The following MPPED1 variants were observed in gnomAD, a reference collection of about 807,000 sequenced individuals.
The protein encoded by MPPED1 is metallophosphoesterase domain-containing protein 1.
In MPPED1, 16 loss-of-function variants were observed where a neutral mutation model predicts 36.2. The observed-to-expected ratio is 0.44, with a 90% CI of 0.30 to 0.67. The LOEUF is 0.67. Ranked by LOEUF, MPPED1 falls within the 30% of genes least tolerant of loss-of-function variation. The probability of loss-of-function intolerance (pLI) is 0.10; values close to 1 mark genes in which losing one functional copy is unlikely to be tolerated. For missense variants in MPPED1, 307 were observed against 453.4 expected (o/e 0.68, Z 2.93); for synonymous variants, 199 against 191.3 (o/e 1.04, Z -0.33).
chr22:43,477,276 C>A (rs187955237), intron 4 of MPPED1, among the ~76,000 whole-genome samples: 1 of 152,372 alleles, frequency 6.6e-6, no homozygotes, highest in African/African-American at 2.4e-5. Context: ...CTCTCCATCC[C>A]GCAAGGGAGG....
chr22:43,418,072 C>T (rs898576124), intron 1 of MPPED1: 2 of 456,148 alleles, frequency 4.4e-6, no homozygotes, highest in Non-Finnish European at 8.8e-6. Context: ...TGCTAGCCCC[C>T]CAGTGATTGT....
intron 2 of MPPED1, among the ~76,000 whole-genome samples, chr22:43,432,480 G>GA (rs1929742946): frequency 8.2e-6 from 1 of 121,796 alleles, no homozygotes; most frequent in African/African-American, 3.1e-5. Context: ...AGAGAGAAAG[G>GA]GAGGAGAGAA....
At chr22:43,428,803 G>A (rs763800003) in intron 2 of MPPED1, among the ~76,000 whole-genome samples, 1 of 151,884 alleles carries the variant, frequency 6.6e-6, no homozygotes, top group African/African-American at 2.4e-5. Context: ...AAGACTCCTT[G>A]CCCCGGTGAC....
Position 43,505,441 on chromosome 22 carries a change from C to A in MPPED1, c.863-57C>A. 4 of 1,500,506 alleles carry A rather than the reference C, an allele frequency of 2.7e-6. No individual in the cohort carries two copies. In the South Asian group the frequency reaches 4.9e-5, roughly 19 times the overall value. The allele number at this position is 1,500,506 out of a possible 1,614,324, so 92.9% of individuals were successfully genotyped here. ...GAGTGCCCTATGACTGCCACACCCC[C>A]CTGGCCACCCTCACTACTCTGGCTG... On this transcript the variant is annotated intron_variant, in intron 6 of 6. Coordinates refer to ENST00000443721, the MANE Select transcript of MPPED1 (RefSeq NM_001044370.2).
chr22:43,486,013 G>C (rs897846855), intron 4 of MPPED1, among the ~76,000 whole-genome samples: 4 of 152,196 alleles, frequency 2.6e-5, no homozygotes, highest in East Asian at 3.9e-4. Context: ...TGGGCCCACC[G>C]GGCTAGGAGA....
At chr22:43,463,827 C>T (rs558420180) in intron 3 of MPPED1, among the ~76,000 whole-genome samples, 5,946 of 89,122 alleles carry the variant, frequency 0.067, 286 homozygotes, top group East Asian at 0.15. Context: ...TTCTTTCTTT[C>T]TTTCTTTCTT....
intron 3 of MPPED1, among the ~76,000 whole-genome samples, chr22:43,436,254 C>T (rs984371034): frequency 6.6e-6 from 1 of 152,234 alleles, no homozygotes; most frequent in Non-Finnish European, 1.5e-5. Flanking sequence ...AGCACCCAGG[C>T]CTGCTGCCGT....
At chr22:43,484,230 C>T (rs748131397) in intron 4 of MPPED1, among the ~76,000 whole-genome samples, 7 of 152,222 alleles carry the variant, frequency 4.6e-5, no homozygotes, top group Admixed American at 2.6e-4. Flanking sequence ...CGCATTCGGC[C>T]GACTGCCCCG....
At chr22:43,457,444 TA>T (rs1161896292) in intron 3 of MPPED1, among the ~76,000 whole-genome samples, 2 of 152,194 alleles carry the variant, frequency 1.3e-5, no homozygotes, top group Admixed American at 6.5e-5. Context: ...ATTGGATTTT[TA>T]AAAAATTAAA....
chr22:43,426,971 C>A (rs757866486), intron 2 of MPPED1, among the ~76,000 whole-genome samples: 14 of 152,310 alleles, frequency 9.2e-5, no homozygotes, highest in East Asian at 1.9e-4. Flanking sequence ...GGGATGGGGG[C>A]CTTCCCTGGG....
At chr22:43,446,529 G>A (rs533843082) in intron 3 of MPPED1, among the ~76,000 whole-genome samples, 3 of 152,328 alleles carry the variant, frequency 2.0e-5, no homozygotes, top group Admixed American at 6.5e-5. Flanking sequence ...GCAACTCTGA[G>A]TTGGGGGTGT....
chr22:43,418,360 C>A (rs1467150327), intron 1 of MPPED1: 1 of 349,164 alleles, frequency 2.9e-6, no homozygotes, highest in Non-Finnish European at 5.7e-6. Flanking sequence ...AGGGCAGCAG[C>A]TCCTCTGGTA....
At chr22:43,469,818 T>C (rs969010821) in intron 3 of MPPED1, among the ~76,000 whole-genome samples, 1 of 152,176 alleles carries the variant, frequency 6.6e-6, no homozygotes, top group East Asian at 1.9e-4. Context: ...GATTGATAAA[T>C]GCATCCATCC....
At chr22:43,427,592 C>G (rs1203157837) in intron 2 of MPPED1, among the ~76,000 whole-genome samples, 1 of 152,126 alleles carries the variant, frequency 6.6e-6, no homozygotes, top group Non-Finnish European at 1.5e-5. Context: ...CCCATTTAAC[C>G]GAGCAACCCA....
intron 4 of MPPED1, among the ~76,000 whole-genome samples, chr22:43,496,074 A>T (rs1388659455): frequency 1.9e-4 from 6 of 31,692 alleles, no homozygotes; most frequent in Non-Finnish European, 2.5e-4. Flanking sequence ...GTGGTGGTGG[A>T]GGTAGTGGTG....
intron 1 of MPPED1, among the ~76,000 whole-genome samples, chr22:43,420,549 C>T (rs1011048479): frequency 8.6e-5 from 13 of 152,042 alleles, no homozygotes; most frequent in Admixed American, 6.6e-4. Flanking sequence ...GGATTACAGG[C>T]GCCCACCACC....
chr22:43,420,924 T>C (rs1929250407), intron 1 of MPPED1, among the ~76,000 whole-genome samples: 1 of 152,234 alleles, frequency 6.6e-6, no homozygotes, highest in African/African-American at 2.4e-5. Flanking sequence ...GGGCCTTGGC[T>C]AATGGTTGTT....
chr22:43,475,103 T>A, intron 4 of MPPED1, 142 bp downstream of exon 4: 1 of 703,302 alleles, frequency 1.4e-6, no homozygotes, highest in Non-Finnish European at 2.4e-6. Flanking sequence ...ACCCTCTGTG[T>A]GACCTAGGCA....
rs1932827687 is a variant in MPPED1, at chr22:43,507,117, T to C, written c.*1501T>C. On this transcript the variant is annotated 3_prime_UTR_variant, in exon 7 of 7. Coordinates refer to ENST00000443721, the MANE Select transcript of MPPED1 (RefSeq NM_001044370.2). Reference sequence around the variant, plus strand: ...TGAGACGATTGAGGCCAGAGGGGTGTGGTAACTTGCCTGGGGGCTCACAGC... The same window carrying C: ...TGAGACGATTGAGGCCAGAGGGGTGCGGTAACTTGCCTGGGGGCTCACAGC... The C allele has an allele frequency of 6.6e-6, 1 of 152,150 alleles. No individual in the cohort carries two copies. Among genetic ancestry groups the C allele is most frequent in the South Asian group, 2.1e-4 (1 of 4,820 alleles). 9.4% of individuals were successfully genotyped at this position (152,150 alleles called of 1,614,324 possible).
Sources: allele counts gnomAD v4.1 joint callset (sites outside exome capture counted in the v4.1 genomes callset), GRCh38; gene constraint gnomAD v4.1.1; transcripts MANE v1.5; gene names NCBI Gene and HGNC (gene_info 2026-07-23, HGNC 2026-07-21).